PPEF2: variants seen among roughly 807,000 people sequenced by gnomAD.
PPEF2 encodes the protein protein phosphatase with EF-hand domain 2.
In PPEF2, 84 loss-of-function variants were observed where a neutral mutation model predicts 84.7. The ratio of observed to expected loss-of-function variants is 0.99; its 90% CI spans 0.83 to 1.19. The LOEUF (loss-of-function observed/expected upper bound fraction) is 1.19. Ranked by LOEUF, PPEF2 falls within the 50% of genes most tolerant of loss-of-function variation. The pLI is 0.00. For missense variants in PPEF2, 924 were observed against 937.5 expected (o/e 0.99, Z 0.19); for synonymous variants, 346 against 345.2 (o/e 1.00, Z -0.03).
chr4:75,868,082 G>T (rs1036703883), intron 13 of PPEF2, among the ~76,000 whole-genome samples: 1 of 151,704 alleles, frequency 6.6e-6, no homozygotes, highest in African/African-American at 2.4e-5. Flanking sequence ...GGCCAAGGTG[G>T]GTGGATTCCT....
In PPEF2 at chr4:75,876,509, G is replaced by A; in HGVS notation, c.1098C>T (p.Ala366=). Residue 366 remains alanine (A), a synonymous_variant, in exon 11 of 17, where the codon GCC becomes GCT. Transcript: ENST00000286719. ...SSPLRLGSYK[A]QKTSRSSSIP... ...TGCTGGAGGACCTGCTGGTTTTCTG[G>A]GCCTTGTAGGAGCCAAGCCGAAGGG... is the stretch of plus-strand genomic sequence containing the variant. 1 of 1,614,036 alleles carries A rather than the reference G, an allele frequency of 6.2e-7. No homozygotes were observed. The highest frequency in any genetic ancestry group is 8.5e-7 in the Non-Finnish European group (1 of 1,179,962).
chr4:75,868,666 A>G lies in PPEF2; in HGVS notation c.1650-1247T>C, dbSNP rs749270071. On this transcript the variant is annotated intron_variant, in intron 13 of 16. Coordinates refer to ENST00000286719, the MANE Select transcript of PPEF2 (RefSeq NM_006239.3). ...AGCCAAGATCATGCCACTGCACTCC[A>G]GCCTGGACAACCAGAATGAGACCCT... Among the ~76,000 whole-genome samples the G allele has an allele frequency of 9.2e-5, 14 of 152,014 alleles. 1 individual carries two copies. Among genetic ancestry groups the G allele is most frequent in the Non-Finnish European group, 2.1e-4 (14 of 68,012 alleles).
Position 75,885,901 on chromosome 4 carries a change from T to A in PPEF2, c.579+951A>T, listed in dbSNP as rs775391800. Among the ~76,000 whole-genome samples the A allele has an allele frequency of 6.6e-5, 10 of 151,810 alleles. 1 individual carries two copies. The highest frequency in any genetic ancestry group is 4.6e-4 in the Admixed American group (7 of 15,220). On this transcript the variant is annotated intron_variant, in intron 7 of 16. Coordinates refer to ENST00000286719, the MANE Select transcript of PPEF2 (RefSeq NM_006239.3). ...GTGCACGCCTGTAGTCCCAGCTACT[T>A]GGGAGGCCGAGGCAGGAGAATCACT... is the stretch of plus-strand genomic sequence containing the variant.
chr4:75,873,389 A>G, intron 11 of PPEF2, 77 bp from the exon 12 acceptor site: 2 of 1,285,168 alleles, frequency 1.6e-6, no homozygotes, highest in Non-Finnish European at 2.2e-6. Context: ...TGAAAGGAAG[A>G]GGAGGAGGAA....
intron 15 of PPEF2, among the ~76,000 whole-genome samples, chr4:75,865,948 C>T (rs1724119400): frequency 6.6e-6 from 1 of 152,172 alleles, no homozygotes; most frequent in Non-Finnish European, 1.5e-5. Flanking sequence ...GCAGTGTCCT[C>T]ATACGTGTAA....
chr4:75,866,134 T>C, intron 15 of PPEF2, 55 bp downstream of exon 15: 8 of 1,504,538 alleles, frequency 5.3e-6, no homozygotes, highest in Non-Finnish European at 7.2e-6. Context: ...TCAAATTCTC[T>C]CTAAGGAGTA....
chr4:75,890,171 C>G, intron 4 of PPEF2, 39 bp from the exon 5 acceptor site: 1 of 1,600,618 alleles, frequency 6.2e-7, no homozygotes, highest in Non-Finnish European at 8.6e-7. Flanking sequence ...TTATGATCAT[C>G]TGATCATGCA....
intron 4 of PPEF2, 127 bp from the exon 5 acceptor site, chr4:75,890,259 G>A: frequency 9.9e-7 from 1 of 1,012,194 alleles, no homozygotes; most frequent in Non-Finnish European, 1.4e-6. Flanking sequence ...GCCAAGGAGG[G>A]AGGATTGCTT....
In PPEF2 at chr4:75,883,088, A is replaced by T; in HGVS notation, c.784-13T>A. The T allele has an allele frequency of 1.9e-6, 3 of 1,613,880 alleles. No homozygotes were observed. Among genetic ancestry groups the T allele is most frequent in the Non-Finnish European group, 2.5e-6 (3 of 1,179,838 alleles). ...CCTTCCCGTGTACCTGGAAAAAATG[A>T]TATAAACAAAATGTTATCAAATAAT... On this transcript the variant is annotated splice_polypyrimidine_tract_variant and intron_variant, in intron 9 of 16. Transcript: ENST00000286719.
chr4:75,882,979 CA>C lies in PPEF2; in HGVS notation c.879del (p.Val295CysfsTer4). Reference protein sequence around the residue: ...LIDEKVLILHGGVSDITDLEL... With the variant: ...LIDEKVLILHXGVSDITDLEL... ...TCCAGATCAGTTATGTCTGACACCC[CA>C]CCATGAAGAATTAGAACTTTCTCAT... On this transcript the variant is annotated frameshift_variant, in exon 10 of 17. Coordinates refer to ENST00000286719, the MANE Select transcript of PPEF2 (RefSeq NM_006239.3). LOFTEE classifies it high-confidence loss of function. 6.2e-7 allele frequency: 1 copy of C among 1,614,190 alleles called. No individual in the cohort carries two copies. Among genetic ancestry groups the C allele is most frequent in the Non-Finnish European group, 8.5e-7 (1 of 1,180,038 alleles).
chr4:75,869,825 T>C (rs1395025317), intron 13 of PPEF2, among the ~76,000 whole-genome samples: 2 of 150,808 alleles, frequency 1.3e-5, no homozygotes, highest in African/African-American at 4.9e-5. Flanking sequence ...ACAGCCTGGG[T>C]GACACAGCGA....
rs753713469 is a variant in PPEF2, at chr4:75,876,293, C to T, written c.1314G>A (p.Trp438Ter). 5 of 1,602,084 alleles carry T rather than the reference C, an allele frequency of 3.1e-6. No homozygotes were observed. In the East Asian group the frequency reaches 8.9e-5, roughly 29 times the overall value. The change falls in exon 11 of 17, where the codon TGG becomes TGA. Residue 438 changes from tryptophan to a stop codon, truncating the protein, a stop_gained. Coordinates refer to ENST00000286719, the MANE Select transcript of PPEF2 (RefSeq NM_006239.3). LOFTEE classifies it high-confidence loss of function. ...GELRKPTQEE[W>*]RQVVDILWSD... ...AGCGCCTGGCCACGCTCACCTGCCT[C>T]CACTCCTCCTGAGTGGGCTTCCGCA...
chr4:75,875,148 G>C (rs1307983247), intron 11 of PPEF2, among the ~76,000 whole-genome samples: 17 of 151,644 alleles, frequency 1.1e-4, no homozygotes, highest in African/African-American at 3.6e-4. Flanking sequence ...CTCGTGATCC[G>C]CCTGTCTCAG....
intron 4 of PPEF2, 66 bp from the exon 5 acceptor site, chr4:75,890,198 G>A: frequency 6.4e-7 from 1 of 1,567,930 alleles, no homozygotes; most frequent in Non-Finnish European, 8.7e-7. Context: ...GGGCACTATA[G>A]AATAGTCCTT....
Position 75,896,394 on chromosome 4 carries a change from G to A in PPEF2, c.-58-11C>T. ...ACAGTGAGCTGTTTGCTGACAAAAT[G>A]AAGAGAGAATCTGTAATAGGAGATG... On this transcript the variant is annotated splice_polypyrimidine_tract_variant and intron_variant, in intron 1 of 16. Coordinates refer to ENST00000286719, the MANE Select transcript of PPEF2 (RefSeq NM_006239.3). The A allele has an allele frequency of 6.5e-7, 1 of 1,536,790 alleles. No individual in the cohort carries two copies. Among genetic ancestry groups the A allele is most frequent in the Non-Finnish European group, 9.0e-7 (1 of 1,109,802 alleles).
rs1166314895 is a variant in PPEF2, at chr4:75,866,300, T to A, written c.1809A>T (p.Leu603=). 2 of 1,614,166 alleles carry A rather than the reference T, an allele frequency of 1.2e-6. No individual in the cohort carries two copies. Among genetic ancestry groups the A allele is most frequent in the South Asian group, 2.2e-5 (2 of 91,076 alleles). ...GCCTCAGCATCCGCCATGGCAGTCC[T>A]AGGTGCAACACAGACTCCACCGCTG... ...WAAAVESVLH[L]GLPWRMLRPQ... The change falls in exon 15 of 17, where the codon CTA becomes CTT. Residue 603 remains leucine (L), a synonymous_variant. Coordinates refer to ENST00000286719, the MANE Select transcript of PPEF2 (RefSeq NM_006239.3).
At chr4:75,880,642 G>C (rs542280249) in intron 10 of PPEF2, among the ~76,000 whole-genome samples, 1 of 152,112 alleles carries the variant, frequency 6.6e-6, no homozygotes, top group African/African-American at 2.4e-5. Context: ...CAGAATGTTT[G>C]AGTTGAAAGT....
At position 75,876,335 on chromosome 4, in the gene PPEF2, G is replaced by T; in HGVS notation, c.1272C>A (p.Asp424Glu). 6.2e-7 allele frequency: 1 copy of T among 1,613,654 alleles called. No individual in the cohort carries two copies. Among genetic ancestry groups the T allele is most frequent in the South Asian group, 1.1e-5 (1 of 91,018 alleles). The change falls in exon 11 of 17, where the codon GAC becomes GAA. Residue 424 changes from aspartate (D) to glutamate (E), a missense_variant. By Grantham distance (45) the Asp-to-Glu change is conservative (BLOSUM62 2). Coordinates refer to ENST00000286719, the MANE Select transcript of PPEF2 (RefSeq NM_006239.3). ...GCTTCCGCAGCTCTCCGGCTTCAGA[G>T]TCTGCTTCTGAGGCTGAGCGGGAGG... ...EEPSRSASEA[D>E]SEAGELRKPT...
chr4:75,887,419 A>G (rs749494061), intron 6 of PPEF2, among the ~76,000 whole-genome samples: 19 of 152,126 alleles, frequency 1.2e-4, no homozygotes, highest in Non-Finnish European at 2.5e-4. Context: ...CAGGAGATAA[A>G]GACCATCCCG....
Sources: allele counts gnomAD v4.1 joint callset (sites outside exome capture counted in the v4.1 genomes callset), GRCh38; gene constraint gnomAD v4.1.1; transcripts MANE v1.5; gene names NCBI Gene and HGNC (gene_info 2026-07-23, HGNC 2026-07-21).